FRMD4B: variants seen among roughly 807,000 people sequenced by gnomAD.
FRMD4B encodes the protein FERM domain-containing protein 4B.
In FRMD4B, 74 loss-of-function variants were observed where a neutral mutation model predicts 141.5. The observed-to-expected ratio is 0.52, with a 90% CI of 0.43 to 0.63. FRMD4B has a LOEUF of 0.63. Ranked by LOEUF, FRMD4B falls within the 30% of genes least tolerant of loss-of-function variation. FRMD4B has a pLI of 0.00. For missense variants in FRMD4B, 1,366 were observed against 1,253.4 expected, an observed-to-expected ratio of 1.09 and a Z score of -1.36; for synonymous variants, 506 against 467.9, an observed-to-expected ratio of 1.08 and a Z score of -1.05.
At chr3:69,390,677 G>A (rs892121575), upstream of FRMD4B, among the ~76,000 whole-genome samples, 1 of 152,136 alleles carries the variant, frequency 6.6e-6, no homozygotes, top group African/African-American at 2.4e-5. Context: ...CAGATTACTT[G>A]AGGTCAGGAG....
At chr3:69,308,632 G>T (rs543376558) in intron 3 of FRMD4B, among the ~76,000 whole-genome samples, 1 of 152,016 alleles carries the variant, frequency 6.6e-6, no homozygotes, top group East Asian at 1.9e-4. Flanking sequence ...TAGAGATGGG[G>T]TTTCACCATG....
chr3:69,492,044 T>C (rs983187700), intron 1 of FRMD4B, among the ~76,000 whole-genome samples: 1 of 152,236 alleles, frequency 6.6e-6, no homozygotes, highest in Admixed American at 6.5e-5. Context: ...CAGCTTATCA[T>C]AGGCTCTAGT....
At chr3:69,392,152 C>A (rs1704395033) in intron 2 of FRMD4B, among the ~76,000 whole-genome samples, 1 of 152,214 alleles carries the variant, frequency 6.6e-6, no homozygotes, top group Non-Finnish European at 1.5e-5. Context: ...TCGCACTATG[C>A]ATCAGGCAGG....
At chr3:69,317,612 G>C (rs1417493299) in intron 1 of FRMD4B, among the ~76,000 whole-genome samples, 1 of 151,896 alleles carries the variant, frequency 6.6e-6, no homozygotes, top group Non-Finnish European at 1.5e-5. Flanking sequence ...AAAATTAGCT[G>C]GGTGTGGTGG....
At chr3:69,505,113 T>C (rs911429170) in intron 1 of FRMD4B, among the ~76,000 whole-genome samples, 2 of 152,130 alleles carry the variant, frequency 1.3e-5, no homozygotes, top group African/African-American at 2.4e-5. Flanking sequence ...CTTATGCCTA[T>C]AATCCCAGCA....
chr3:69,211,955 T>A (rs554373298), intron 11 of FRMD4B, among the ~76,000 whole-genome samples: 26 of 150,454 alleles, frequency 1.7e-4, no homozygotes, highest in Admixed American at 1.1e-3. Context: ...AATAAATATA[T>A]GGAAGCAAAA....
At chr3:69,308,770 A>G (rs986221000) in intron 3 of FRMD4B, among the ~76,000 whole-genome samples, 2 of 151,950 alleles carry the variant, frequency 1.3e-5, no homozygotes, top group Non-Finnish European at 2.9e-5. Context: ...AACAAATCAC[A>G]AAAGTCATGC....
rs142335253 is a variant in FRMD4B, at chr3:69,274,091, A to C, written c.501+13661T>G. Among the ~76,000 whole-genome samples, 325 of 152,266 alleles carry C rather than the reference A, an allele frequency of 2.1e-3. 7 individuals carry two copies. The East Asian group carries it at 0.056, about 26-fold the overall frequency. On this transcript the variant is annotated intron_variant, in intron 5 of 22. Transcript: ENST00000398540. ...AAAGACTAGGATGCATCATCAGGGA[A>C]GGAGGAGTTATTTCAGTATGACCGC...
intron 5 of FRMD4B, among the ~76,000 whole-genome samples, chr3:69,278,320 G>C (rs967233183): frequency 3.3e-5 from 5 of 151,986 alleles, no homozygotes; most frequent in African/African-American, 9.7e-5. Context: ...TCTTTTTAGA[G>C]GCAGGTCTCG....
chr3:69,213,133 G>A (rs1462228098), intron 11 of FRMD4B, among the ~76,000 whole-genome samples: 1 of 152,154 alleles, frequency 6.6e-6, no homozygotes, highest in African/African-American at 2.4e-5. Context: ...TTATAAGTGA[G>A]CTAGAGAAAT....
At chr3:69,185,653 T>C (rs903523051) in intron 19 of FRMD4B, among the ~76,000 whole-genome samples, 3 of 152,102 alleles carry the variant, frequency 2.0e-5, no homozygotes, top group African/African-American at 4.8e-5. Flanking sequence ...CTGTAAAGGG[T>C]AATGACAGTA....
At chr3:69,341,681 A>G (rs2107379441) in intron 1 of FRMD4B, among the ~76,000 whole-genome samples, 1 of 152,296 alleles carries the variant, frequency 6.6e-6, no homozygotes, top group Admixed American at 6.5e-5. Context: ...TGTCTGTAGT[A>G]TTAAGAGGCA....
intron 2 of FRMD4B, among the ~76,000 whole-genome samples, chr3:69,424,457 A>G (rs893772767): frequency 1.3e-5 from 2 of 152,196 alleles, no homozygotes; most frequent in African/African-American, 4.8e-5. Flanking sequence ...CAGCACAGCC[A>G]GGATTGTATT....
chr3:69,388,818 T>C (rs1183564544), upstream of FRMD4B, among the ~76,000 whole-genome samples: 1 of 152,176 alleles, frequency 6.6e-6, no homozygotes, highest in Admixed American at 6.5e-5. Flanking sequence ...TGTAGTCAGA[T>C]AAAACAGTAT....
intron 7 of FRMD4B, among the ~76,000 whole-genome samples, chr3:69,239,460 A>T (rs1222873075): frequency 6.6e-6 from 1 of 152,116 alleles, no homozygotes; most frequent in Non-Finnish European, 1.5e-5. Context: ...GTGATGAAAG[A>T]TTTTTCTAAA....
intron 1 of FRMD4B, among the ~76,000 whole-genome samples, chr3:69,369,870 TG>T (rs11305768): frequency 0.17 from 26,410 of 152,114 alleles, 2,556 homozygotes; most frequent in African/African-American, 0.24. Flanking sequence ...GAGAAACATT[TG>T]GGAAATACCT....
At chr3:69,222,211 G>A (rs1366078573) in intron 8 of FRMD4B, among the ~76,000 whole-genome samples, 2 of 151,976 alleles carry the variant, frequency 1.3e-5, no homozygotes, top group Non-Finnish European at 2.9e-5. Flanking sequence ...GGTGGCTCAC[G>A]CCTGTAATCC....
chr3:69,346,202 G>A (rs188905021), intron 1 of FRMD4B, among the ~76,000 whole-genome samples: 40 of 152,148 alleles, frequency 2.6e-4, no homozygotes, highest in Admixed American at 2.3e-3. Flanking sequence ...CTCCAGTAGC[G>A]ATTCGATCAA....
intron 11 of FRMD4B, among the ~76,000 whole-genome samples, chr3:69,206,955 C>T (rs1304456596): frequency 6.6e-6 from 1 of 151,894 alleles, no homozygotes; most frequent in Non-Finnish European, 1.5e-5. Flanking sequence ...TCAGTGAAGC[C>T]TTGCTACCAA....
Sources: gnomAD v4.1 joint callset for allele counts (sites outside exome capture counted in the v4.1 genomes callset) on GRCh38, gnomAD v4.1.1 for gene constraint, MANE v1.5 for transcripts, NCBI Gene and HGNC (gene_info 2026-07-23, HGNC 2026-07-21) for gene names.